ATP9B: variants seen among roughly 807,000 people sequenced by gnomAD.
The protein encoded by ATP9B is ATPase phospholipid transporting 9B, also known as probable phospholipid-transporting ATPase IIB.
In ATP9B, 110 loss-of-function variants were observed where a neutral mutation model predicts 146.1. That is an observed-to-expected ratio of 0.75 (90% CI 0.65 to 0.88). The LOEUF (loss-of-function observed/expected upper bound fraction) is 0.88. Among genes scored for constraint, ATP9B ranks in the 40% least tolerant of loss-of-function variants. ATP9B has a pLI of 0.00. For missense variants in ATP9B, 1,499 were observed against 1,496.4 expected, an observed-to-expected ratio of 1.00 and a Z score of -0.03; for synonymous variants, 604 against 569.7, an observed-to-expected ratio of 1.06 and a Z score of -0.86.
intron 15 of ATP9B, among the ~76,000 whole-genome samples, chr18:79,328,117 G>A (rs572634072): frequency 3.3e-5 from 5 of 150,140 alleles, no homozygotes; most frequent in South Asian, 2.1e-4. Context: ...TGTGGTTAGC[G>A]TGCTCTCCGT....
At chr18:79,339,006 T>G (rs935332048) in intron 19 of ATP9B, among the ~76,000 whole-genome samples, 15 of 152,346 alleles carry the variant, frequency 9.8e-5, no homozygotes, top group South Asian at 2.1e-4. Flanking sequence ...CCTTGCTGTC[T>G]AGAGGTCTGC....
At chr18:79,173,473 G>A (rs1445594662) in intron 7 of ATP9B, among the ~76,000 whole-genome samples, 2 of 150,750 alleles carry the variant, frequency 1.3e-5, no homozygotes, top group Non-Finnish European at 3.0e-5. Context: ...TGAGATCTGT[G>A]GTCTGTTGTG....
At chr18:79,128,602 T>G (rs979710578) in intron 5 of ATP9B, among the ~76,000 whole-genome samples, 4 of 152,220 alleles carry the variant, frequency 2.6e-5, no homozygotes, top group Non-Finnish European at 5.9e-5. Context: ...GTAAATTGTG[T>G]ATAACTTTGC....
At chr18:79,141,673 G>A (rs1162227474) in intron 5 of ATP9B, among the ~76,000 whole-genome samples, 1 of 152,148 alleles carries the variant, frequency 6.6e-6, no homozygotes, top group Admixed American at 6.5e-5. Flanking sequence ...TTGAGGCCAG[G>A]TGACAGTTGT....
chr18:79,328,201 G>T (rs1180134914), intron 15 of ATP9B, among the ~76,000 whole-genome samples: 1 of 152,182 alleles, frequency 6.6e-6, no homozygotes, highest in African/African-American at 2.4e-5. Flanking sequence ...GTTCTCCGTG[G>T]TTAGCATGTT....
At chr18:79,159,540 T>C (rs2094845984) in intron 7 of ATP9B, among the ~76,000 whole-genome samples, 1 of 152,122 alleles carries the variant, frequency 6.6e-6, no homozygotes, top group African/African-American at 2.4e-5. Context: ...GCTTTCTCAG[T>C]GTTTCTCCTG....
intron 29 of ATP9B, among the ~76,000 whole-genome samples, chr18:79,376,781 A>C (rs1600525388): frequency 1.5e-5 from 2 of 133,166 alleles, no homozygotes; most frequent in Admixed American, 8.2e-5. Flanking sequence ...TGCACCCTCC[A>C]CCTCCCGGGT....
At chr18:79,233,510 A>G (rs1244258275) in intron 11 of ATP9B, among the ~76,000 whole-genome samples, 1 of 152,214 alleles carries the variant, frequency 6.6e-6, no homozygotes, top group Non-Finnish European at 1.5e-5. Flanking sequence ...GAATCTTGAA[A>G]AGAGCCAGAG....
At chr18:79,094,783 G>T (rs988570407) in intron 1 of ATP9B, among the ~76,000 whole-genome samples, 1 of 152,198 alleles carries the variant, frequency 6.6e-6, no homozygotes, top group South Asian at 2.1e-4. Flanking sequence ...GAGCTAAGCT[G>T]CCCTTGTCTT....
At chr18:79,290,185 T>G (rs1214647943) in intron 13 of ATP9B, among the ~76,000 whole-genome samples, 1 of 152,230 alleles carries the variant, frequency 6.6e-6, no homozygotes, top group Non-Finnish European at 1.5e-5. Flanking sequence ...AGGTTACTGC[T>G]GTCTTTTTGT....
chr18:79,271,072 G>A (rs1205470331), intron 12 of ATP9B, among the ~76,000 whole-genome samples: 2 of 152,072 alleles, frequency 1.3e-5, no homozygotes, highest in African/African-American at 4.8e-5. Flanking sequence ...GTCTTTCTTT[G>A]ATTCAGCTCA....
In ATP9B at chr18:79,327,615, C is replaced by T. The variant is rs1360190125; in HGVS notation, c.1774-1526C>T. Among the ~76,000 whole-genome samples, 62 of 76,810 alleles carry T rather than the reference C, an allele frequency of 8.1e-4. 1 individual carries two copies. The highest frequency in any genetic ancestry group is 1.6e-3 in the African/African-American group (33 of 21,260). The allele number at this position is 76,810 out of a possible 152,430, so 50.4% of individuals were successfully genotyped here. On this transcript the variant is annotated intron_variant, in intron 15 of 29. Coordinates refer to ENST00000426216, the MANE Select transcript of ATP9B (RefSeq NM_198531.5). ...AACGTGCCCTCCGTGGTTAGCGTGC[C>T]CTCCCTGGTTAGTGTGCCCTCCCTG...
At position 79,333,956 on chromosome 18, in the gene ATP9B, G is replaced by A. The variant is rs568115004; in HGVS notation, c.2029-2672G>A. Among the ~76,000 whole-genome samples, 4 of 152,328 alleles carry A rather than the reference G, an allele frequency of 2.6e-5. No homozygotes were observed. The South Asian group carries it at 6.2e-4, about 24-fold the overall frequency. On this transcript the variant is annotated intron_variant, in intron 17 of 29. Coordinates refer to ENST00000426216, the MANE Select transcript of ATP9B (RefSeq NM_198531.5). ...GAGAGGGAGTCAACAACATCTGGATGGAGAGTCTTAAGCAGCGAATCTTTC... is the reference window on the plus strand; with the variant it reads ...GAGAGGGAGTCAACAACATCTGGATAGAGAGTCTTAAGCAGCGAATCTTTC...
chr18:79,329,399 T>C, intron 16 of ATP9B, 97 bp downstream of exon 16: 6 of 1,333,646 alleles, frequency 4.5e-6, no homozygotes, highest in Non-Finnish European at 6.0e-6. Flanking sequence ...AAACATTTAC[T>C]CAGGTGCTTT....
At chr18:79,150,666 C>T (rs2094674370) in intron 6 of ATP9B, among the ~76,000 whole-genome samples, 2 of 152,060 alleles carry the variant, frequency 1.3e-5, no homozygotes, top group African/African-American at 4.8e-5. Context: ...AGAATAAGGA[C>T]ATAAAGAGTC....
In ATP9B at chr18:79,201,388, T is replaced by G. The variant is rs2095486417; in HGVS notation, c.955-5549T>G. Among the ~76,000 whole-genome samples the G allele has an allele frequency of 2.6e-5, 4 of 152,282 alleles. No individual in the cohort carries two copies. The South Asian group carries it at 6.2e-4, about 24-fold the overall frequency. On this transcript the variant is annotated intron_variant, in intron 9 of 29. Coordinates refer to ENST00000426216, the MANE Select transcript of ATP9B (RefSeq NM_198531.5). ...AGGAGTGGTATCCACTTATCTTCCT[T>G]TTTTATAGTGTAATATACATAAGAC...
intron 5 of ATP9B, among the ~76,000 whole-genome samples, chr18:79,138,772 A>AT (rs1281295566): frequency 1.3e-5 from 2 of 148,660 alleles, no homozygotes; most frequent in East Asian, 1.9e-4. Context: ...TTGTTCTTAC[A>AT]TTAAAAAAAA....
intron 5 of ATP9B, 95 bp from the exon 6 acceptor site, chr18:79,143,707 G>T: frequency 1.3e-6 from 1 of 766,046 alleles, no homozygotes. Flanking sequence ...TTTTTTTTCT[G>T]TAGCTTATTT....
chr18:79,137,030 G>A (rs1181464904), intron 5 of ATP9B, among the ~76,000 whole-genome samples: 2 of 152,208 alleles, frequency 1.3e-5, no homozygotes, highest in Admixed American at 6.5e-5. Context: ...CATGTGGGGA[G>A]TATAGGAACT....
Sources: gnomAD v4.1 joint callset for allele counts (sites outside exome capture counted in the v4.1 genomes callset) on GRCh38, gnomAD v4.1.1 for gene constraint, MANE v1.5 for transcripts, NCBI Gene and HGNC (gene_info 2026-07-23, HGNC 2026-07-21) for gene names.